The following ABCA12 variants were observed in gnomAD, a reference collection of about 807,000 sequenced individuals.
The protein encoded by ABCA12 is glucosylceramide transporter ABCA12.
A neutral mutation model predicts 293.5 loss-of-function variants in ABCA12; 156 were observed. The ratio of observed to expected loss-of-function variants is 0.53; its 90% CI spans 0.47 to 0.61. The LOEUF (loss-of-function observed/expected upper bound fraction) is 0.61, where lower values mean the gene tolerates loss of function less well. Among genes scored for constraint, ABCA12 ranks in the 20% least tolerant of loss-of-function variants. The pLI, the probability that ABCA12 is intolerant of heterozygous loss-of-function variation, is 0.00. For synonymous variants in ABCA12, 1,063 were observed against 1,108.0 expected, an observed-to-expected ratio of 0.96 and a Z score of 0.81; for missense variants, 2,797 against 3,090.2, an observed-to-expected ratio of 0.91 and a Z score of 2.25.
rs1208801939 is a variant in ABCA12, at chr2:215,041,569, G to C, written c.872+4268C>G. Among the ~76,000 whole-genome samples, 3 of 139,308 alleles carry C rather than the reference G, an allele frequency of 2.2e-5. No homozygotes were observed. In the South Asian group the frequency reaches 6.5e-4, roughly 30 times the overall value. The allele number at this position is 139,308 out of a possible 152,430, so 91.4% of individuals were successfully genotyped here. ...TCCATCTCAAAAAAAAAAAAAAAAA[G>C]GAATACAGTGGAGTTGCTATGGAGA... On this transcript the variant is annotated intron_variant, in intron 7 of 52. Transcript: ENST00000272895.
At chr2:215,010,520 C>T (rs1352958672) in intron 17 of ABCA12, 50 bp from the exon 18 acceptor site, 1 of 1,591,694 alleles carries the variant, frequency 6.3e-7, no homozygotes, top group Admixed American at 1.7e-5. Context: ...ACTTCAAATC[C>T]ATTTCCACAT....
Position 214,987,647 on chromosome 2 carries a change from TG to T in ABCA12, c.3975del (p.Ser1326ValfsTer41). On this transcript the variant is annotated frameshift_variant and splice_region_variant, in exon 27 of 53. Transcript: ENST00000272895. LOFTEE classifies it high-confidence loss of function. ...NIMMQNTNPS[A>X]SPEYMFSSNI... ...CACGCTGTTGACCGACTTGTCTTACTGGCAGATGGGTTGGTGTTCTGCATCA... is the reference window on the plus strand; with the variant it reads ...CACGCTGTTGACCGACTTGTCTTACTGCAGATGGGTTGGTGTTCTGCATCA... 6.2e-7 allele frequency: 1 copy of T among 1,612,076 alleles called. No individual in the cohort carries two copies. The highest frequency in any genetic ancestry group is 8.5e-7 in the Non-Finnish European group (1 of 1,178,328).
At chr2:214,995,980 G>A (rs1426083804) in intron 23 of ABCA12, among the ~76,000 whole-genome samples, 1 of 152,166 alleles carries the variant, frequency 6.6e-6, no homozygotes, top group Non-Finnish European at 1.5e-5. Context: ...TTAAGAGACT[G>A]AGCCCGAGTG....
At chr2:214,970,507 G>T (rs1574951271) in intron 36 of ABCA12, 107 bp from the exon 37 acceptor site, 2 of 1,284,910 alleles carry the variant, frequency 1.6e-6, no homozygotes, top group African/African-American at 1.5e-5. Flanking sequence ...ACTGCAACTG[G>T]TAGAGTGTGA....
At chr2:215,101,763 G>A (rs751132831) in intron 2 of ABCA12, among the ~76,000 whole-genome samples, 1 of 152,138 alleles carries the variant, frequency 6.6e-6, no homozygotes, top group African/African-American at 2.4e-5. Flanking sequence ...AAAGAAAATG[G>A]AGGATTGAAG....
rs748695468 is a variant in ABCA12, at chr2:214,997,741, G to C, written c.3248C>G (p.Ala1083Gly). 4.8e-5 allele frequency: 78 copies of C among 1,613,334 alleles called. No homozygotes were observed. Among genetic ancestry groups the C allele is most frequent in the Non-Finnish European group, 6.4e-5 (75 of 1,179,662 alleles). The change falls in exon 23 of 53, where the codon GCC (alanine) becomes GGC (glycine). Residue 1083 changes from alanine to glycine, a missense_variant. Coordinates refer to ENST00000272895, the MANE Select transcript of ABCA12 (RefSeq NM_173076.3). ...CTCATAGACAAGCTTTTTTACAAAGGCAGCTATAAATACAACCCAGGCAAC... is the reference window on the plus strand; with the variant it reads ...CTCATAGACAAGCTTTTTTACAAAGCCAGCTATAAATACAACCCAGGCAAC... ...LMVAWVVFIA[A>G]FVKKLVYEKD...
At chr2:215,109,566 G>A (rs916394664) in intron 2 of ABCA12, among the ~76,000 whole-genome samples, 5 of 152,146 alleles carry the variant, frequency 3.3e-5, no homozygotes, top group Admixed American at 6.6e-5. Context: ...GTTATTATTA[G>A]AGTATGATAA....
chr2:215,077,545 A>G (rs1701857232), intron 2 of ABCA12, among the ~76,000 whole-genome samples: 1 of 152,156 alleles, frequency 6.6e-6, no homozygotes, highest in African/African-American at 2.4e-5. Context: ...CATTAAATGC[A>G]TAACTCCAAA....
At position 214,977,542 on chromosome 2, in the gene ABCA12, A is replaced by G. The variant is rs537592389; in HGVS notation, c.5128+774T>C. Among the ~76,000 whole-genome samples the G allele has an allele frequency of 5.5e-4, 84 of 152,316 alleles. 1 individual carries two copies. The highest frequency in any genetic ancestry group is 1.9e-3 in the African/African-American group (80 of 41,580). On this transcript the variant is annotated intron_variant, in intron 33 of 52. Coordinates refer to ENST00000272895, the MANE Select transcript of ABCA12 (RefSeq NM_173076.3). ...CAAAAACTGTTGAAATGACTACTCC[A>G]TGATTTATATATCATTTTACTCTAT...
At chr2:215,136,198 T>C (rs745866327) in intron 1 of ABCA12, among the ~76,000 whole-genome samples, 14 of 152,176 alleles carry the variant, frequency 9.2e-5, no homozygotes, top group Non-Finnish European at 1.8e-4. Flanking sequence ...AGGAAAAGTA[T>C]AGTTACCAGA....
intron 3 of ABCA12, among the ~76,000 whole-genome samples, chr2:215,061,542 T>C (rs1178526690): frequency 6.6e-6 from 1 of 152,102 alleles, no homozygotes; most frequent in Non-Finnish European, 1.5e-5. Flanking sequence ...GTGGAATTGT[T>C]TATCCAGTAA....
In ABCA12 at chr2:215,050,860, A is replaced by G. The variant is rs542995305; in HGVS notation, c.508-1049T>C. The G allele has an allele frequency of 1.4e-5, 14 of 977,962 alleles. No homozygotes were observed. In the South Asian group the frequency reaches 3.3e-4, roughly 23 times the overall value. The allele number at this position is 977,962 out of a possible 1,614,324, so 60.6% of individuals were successfully genotyped here. A position where few individuals can be genotyped will look rare whatever the true frequency, so the allele number is the denominator to read the frequency against. ...AAGCAGTAAAGAGAAAGAAAGAGGA[A>G]TCAGAGAGATTGCTGACATAGGCAT... On this transcript the variant is annotated intron_variant, in intron 5 of 52. Transcript: ENST00000272895.
At chr2:215,058,289 G>T (rs976328365) in intron 3 of ABCA12, among the ~76,000 whole-genome samples, 1 of 151,890 alleles carries the variant, frequency 6.6e-6, no homozygotes, top group South Asian at 2.1e-4. Flanking sequence ...AGAGGCCAGG[G>T]GTGCTGCTGA....
rs111478950 is a variant in ABCA12 at position 214,932,694 on chromosome 2, A to G, written c.7728T>C (p.Asp2576=). 6.2e-7 allele frequency: 1 copy of G among 1,613,694 alleles called. No homozygotes were observed. The highest frequency in any genetic ancestry group is 8.5e-7 in the Non-Finnish European group (1 of 1,179,772). Residue 2576 remains aspartate (D), a synonymous_variant, in exon 53 of 53, where the codon GAT becomes GAC. Coordinates refer to ENST00000272895, the MANE Select transcript of ABCA12 (RefSeq NM_173076.3). ...AKDQKSYETA[D]TSSQGSTISV... ...TTATAGTGGAACCTTGGCTGCTGGT[A>G]TCAGCAGTTTCATAGGACTTCTGGT... is the stretch of plus-strand genomic sequence containing the variant.
Position 215,000,988 on chromosome 2 carries a change from A to G in ABCA12, c.2896T>C (p.Trp966Arg), listed in dbSNP as rs1445052431. The stretch of plus-strand genomic sequence containing the variant: ...TTTCCAGAGTCATAGCCTCTGTGCC[A>G]GCTTCTGTTAGAAGGAAGCTTAAAA... Reference protein sequence around the residue: ...VIFKLPSNRSWHRGYDSGNVF... With the variant: ...VIFKLPSNRSRHRGYDSGNVF... The change falls in exon 22 of 53, where the codon TGG becomes CGG. Residue 966 changes from tryptophan to arginine, a missense_variant. By Grantham distance (101) the Trp-to-Arg change is moderately radical. Around this residue, in one of 3 missense-constraint regions of ABCA12, gnomAD observed 2,130 missense variants for 2,427.0 expected, o/e 0.88. Transcript: ENST00000272895. The G allele has an allele frequency of 8.7e-6, 14 of 1,613,978 alleles. No individual in the cohort carries two copies. The highest frequency in any genetic ancestry group is 1.2e-5 in the Non-Finnish European group (14 of 1,179,962).
At chr2:215,035,363 A>G (rs1967603) in intron 8 of ABCA12, among the ~76,000 whole-genome samples, 29,098 of 152,064 alleles carry the variant, frequency 0.19, 3,012 homozygotes, top group East Asian at 0.4. Context: ...TGACCATCCA[A>G]TGACGTGTTT....
Position 215,026,883 on chromosome 2 carries a change from G to C in ABCA12, c.1117C>G (p.Pro373Ala). 1 of 1,613,634 alleles carries C rather than the reference G, an allele frequency of 6.2e-7. No individual in the cohort carries two copies. The highest frequency in any genetic ancestry group is 8.5e-7 in the Non-Finnish European group (1 of 1,179,602). ...ACACATGCCAAGTAAGGAATATAAGGACTATTTGCTGATATATTTAAGAGG... is the reference window on the plus strand; with the variant it reads ...ACACATGCCAAGTAAGGAATATAAGCACTATTTGCTGATATATTTAAGAGG... ...DALLNISANS[P>A]YIPYLACVRN... The change falls in exon 10 of 53, where the codon CCT (proline) becomes GCT (alanine). Residue 373 changes from proline (P) to alanine (A), a missense_variant. Physicochemically the swap from Pro to Ala is conservative, Grantham distance 27. Coordinates refer to ENST00000272895, the MANE Select transcript of ABCA12 (RefSeq NM_173076.3).
At chr2:215,086,773 T>C (rs947957482) in intron 2 of ABCA12, among the ~76,000 whole-genome samples, 3 of 152,132 alleles carry the variant, frequency 2.0e-5, no homozygotes, top group Non-Finnish European at 4.4e-5. Context: ...ATGAGCAGGT[T>C]TGTGTGACTG....
chr2:214,979,305 G>C (rs7579341), intron 31 of ABCA12, among the ~76,000 whole-genome samples: 128,980 of 151,960 alleles, frequency 0.85, 57,602 homozygotes, highest in East Asian at 1. Context: ...GTTGCTAGAG[G>C]GCTTTGGGTT....
Sources: gnomAD v4.1 joint callset for allele counts (sites outside exome capture counted in the v4.1 genomes callset) on GRCh38, gnomAD v4.1.1 for gene constraint, gnomAD v4.1.1 regional missense constraint, MANE v1.5 for transcripts, NCBI Gene and HGNC (gene_info 2026-07-23, HGNC 2026-07-21) for gene names.